Variants in NELL1 observed in about 807,000 individuals in gnomAD.
NELL1 encodes the protein protein kinase C-binding protein NELL1.
NELL1 carries 76 observed loss-of-function variants against 107.4 expected under a neutral mutation model. That is an observed-to-expected ratio of 0.71 (90% CI 0.59 to 0.86). The LOEUF (loss-of-function observed/expected upper bound fraction) is 0.86. Ranked by LOEUF, NELL1 falls within the 40% of genes least tolerant of loss-of-function variation. The pLI is 0.00. For synonymous variants in NELL1, 353 were observed against 341.2 expected (o/e 1.03, Z -0.38); for missense variants, 1,024 against 1,005.5 (o/e 1.02, Z -0.25).
chr11:21,320,199 A>G (rs1279604818), intron 14 of NELL1, among the ~76,000 whole-genome samples: 1 of 152,092 alleles, frequency 6.6e-6, no homozygotes, highest in Non-Finnish European at 1.5e-5. Flanking sequence ...ACACTGGCTC[A>G]GGTCCTGTTC....
chr11:21,519,748 T>A (rs762057566), intron 15 of NELL1, among the ~76,000 whole-genome samples: 56 of 152,160 alleles, frequency 3.7e-4, no homozygotes, highest in Middle Eastern at 6.8e-3. Context: ...GACTGAAACG[T>A]ACCTGGAAGC....
At chr11:21,038,790 C>T (rs1853157740) in intron 12 of NELL1, among the ~76,000 whole-genome samples, 1 of 152,192 alleles carries the variant, frequency 6.6e-6, no homozygotes, top group African/African-American at 2.4e-5. Flanking sequence ...ATGTGTGTTA[C>T]TAGTTTATGA....
At chr11:20,846,412 G>A (rs935056036) in intron 3 of NELL1, among the ~76,000 whole-genome samples, 6 of 152,144 alleles carry the variant, frequency 3.9e-5, no homozygotes, top group African/African-American at 1.4e-4. Flanking sequence ...TTGGCTTGTG[G>A]GGTTAGCCAG....
At chr11:21,117,354 C>T (rs1216632933) in intron 13 of NELL1, among the ~76,000 whole-genome samples, 1 of 151,926 alleles carries the variant, frequency 6.6e-6, no homozygotes, top group Non-Finnish European at 1.5e-5. Context: ...GAGCAGGGGC[C>T]TTTTTCCTTT....
intron 15 of NELL1, among the ~76,000 whole-genome samples, chr11:21,431,678 A>C (rs1852968497): frequency 6.6e-6 from 1 of 152,186 alleles, no homozygotes; most frequent in Non-Finnish European, 1.5e-5. Flanking sequence ...CAGAGTTGGA[A>C]GTAGTCTCCG....
intron 13 of NELL1, among the ~76,000 whole-genome samples, chr11:21,155,008 G>A (rs908123494): frequency 1.3e-5 from 2 of 152,162 alleles, no homozygotes; most frequent in African/African-American, 4.8e-5. Flanking sequence ...AAACTCACAT[G>A]AAAGGTGAAT....
intron 15 of NELL1, among the ~76,000 whole-genome samples, chr11:21,426,802 C>T (rs922050546): frequency 4.6e-5 from 7 of 151,956 alleles, no homozygotes; most frequent in African/African-American, 1.5e-4. Context: ...ATCTTGTGCA[C>T]GTATGGGAGG....
At chr11:21,374,451 G>A (rs1418401305) in intron 15 of NELL1, among the ~76,000 whole-genome samples, 2 of 151,892 alleles carry the variant, frequency 1.3e-5, no homozygotes, top group African/African-American at 4.8e-5. Context: ...CTGGAATCCT[G>A]CACGTCAAGT....
chr11:21,165,443 C>G (rs2133805459), intron 13 of NELL1, among the ~76,000 whole-genome samples: 1 of 152,246 alleles, frequency 6.6e-6, no homozygotes, highest in East Asian at 1.9e-4. Flanking sequence ...ATCAAATGAG[C>G]ATTCCGGAGT....
chr11:20,839,597 T>C (rs1302483671), intron 3 of NELL1, among the ~76,000 whole-genome samples: 1 of 152,168 alleles, frequency 6.6e-6, no homozygotes, highest in East Asian at 1.9e-4. Context: ...CGTATGTCAT[T>C]TTATTCTCAA....
chr11:20,779,325 C>T (rs750389649), intron 2 of NELL1, among the ~76,000 whole-genome samples: 9 of 152,180 alleles, frequency 5.9e-5, no homozygotes, highest in Non-Finnish European at 1.2e-4. Flanking sequence ...AAGTAACACT[C>T]TTATTCAATC....
chr11:21,457,072 T>C (rs1853765536), intron 15 of NELL1, among the ~76,000 whole-genome samples: 1 of 152,056 alleles, frequency 6.6e-6, no homozygotes, highest in Admixed American at 6.5e-5. Flanking sequence ...ATAAATAAAT[T>C]TAAAGAAGTC....
At chr11:21,574,381 A>G (rs981372828) in intron 19 of NELL1, among the ~76,000 whole-genome samples, 12 of 151,858 alleles carry the variant, frequency 7.9e-5, no homozygotes, top group African/African-American at 2.9e-4. Context: ...CTAAATGACC[A>G]GGACACAGGG....
At chr11:21,550,464 A>T (rs1856552391) in intron 16 of NELL1, among the ~76,000 whole-genome samples, 1 of 151,974 alleles carries the variant, frequency 6.6e-6, no homozygotes, top group Middle Eastern at 3.2e-3. Context: ...TAGGGTTTTT[A>T]TGCTTTTAGG....
chr11:21,574,553 T>C (rs1857178255), intron 19 of NELL1, among the ~76,000 whole-genome samples: 1 of 151,878 alleles, frequency 6.6e-6, no homozygotes, highest in Admixed American at 6.6e-5. Context: ...CTGGACCCCA[T>C]CTTGGACTTG....
At chr11:20,977,088 C>T (rs1482923390) in intron 12 of NELL1, among the ~76,000 whole-genome samples, 1 of 151,754 alleles carries the variant, frequency 6.6e-6, no homozygotes, top group Non-Finnish European at 1.5e-5. Context: ...ATGACAATAA[C>T]AAATATTTGT....
intron 13 of NELL1, among the ~76,000 whole-genome samples, chr11:21,188,651 A>T (rs1408901212): frequency 6.6e-6 from 1 of 151,888 alleles, no homozygotes; most frequent in African/African-American, 2.4e-5. Flanking sequence ...AATGCAAAAT[A>T]TACAGTGAGG....
chr11:21,006,800 T>G (rs1704884961), intron 12 of NELL1, among the ~76,000 whole-genome samples: 1 of 152,120 alleles, frequency 6.6e-6, no homozygotes, highest in Admixed American at 6.6e-5. Context: ...GGTATTACCC[T>G]TTACAAGACT....
chr11:21,026,252 G>C (rs1319159044), intron 12 of NELL1, among the ~76,000 whole-genome samples: 1 of 152,078 alleles, frequency 6.6e-6, no homozygotes, highest in Non-Finnish European at 1.5e-5. Context: ...GCCCTACCTA[G>C]TGAGCGATGC....
Sources: allele counts gnomAD v4.1 joint callset (sites outside exome capture counted in the v4.1 genomes callset), GRCh38; gene constraint gnomAD v4.1.1; transcripts MANE v1.5; gene names NCBI Gene and HGNC (gene_info 2026-07-23, HGNC 2026-07-21).